TMEM135: variants seen among roughly 807,000 people sequenced by gnomAD.
The protein encoded by TMEM135 is peroxisomal membrane protein 52.
TMEM135 carries 30 observed loss-of-function variants against 60.3 expected under a neutral mutation model. The observed-to-expected ratio is 0.50, with a 90% CI of 0.37 to 0.68. The LOEUF (loss-of-function observed/expected upper bound fraction) is 0.68, where lower values mean the gene tolerates loss of function less well. Among genes scored for constraint, TMEM135 ranks in the 30% least tolerant of loss-of-function variants. The pLI is 0.00. For synonymous variants in TMEM135, 190 were observed against 186.7 expected (o/e 1.02, Z -0.14); for missense variants, 468 against 548.8 (o/e 0.85, Z 1.47).
chr11:87,040,718 A>G (rs1590972362), intron 1 of TMEM135, among the ~76,000 whole-genome samples: 1 of 151,542 alleles, frequency 6.6e-6, no homozygotes, highest in Admixed American at 6.6e-5. Context: ...TCTATCATTT[A>G]CCAGCTATTT....
chr11:87,243,343 T>G (rs997826743), intron 6 of TMEM135, among the ~76,000 whole-genome samples: 15 of 146,024 alleles, frequency 1.0e-4, no homozygotes, highest in African/African-American at 3.8e-4. Context: ...CAGGCTCTTT[T>G]TTGGTTCCAT....
At chr11:87,155,853 G>A (rs11234996) in intron 4 of TMEM135, among the ~76,000 whole-genome samples, 12,195 of 152,106 alleles carry the variant, frequency 0.08, 581 homozygotes, top group East Asian at 0.18. Flanking sequence ...TCTTGAATAA[G>A]CAAAAGCCTT....
At chr11:87,216,251 G>A (rs1003754394) in intron 5 of TMEM135, among the ~76,000 whole-genome samples, 4 of 152,112 alleles carry the variant, frequency 2.6e-5, no homozygotes, top group Non-Finnish European at 5.9e-5. Flanking sequence ...TTGCCAACAT[G>A]ATATGTAAAC....
chr11:87,328,395 T>C lies in TMEM135; in HGVS notation c.*7062T>C, dbSNP rs1942945308. The C allele has an allele frequency of 2.2e-6, 1 of 453,982 alleles. No individual in the cohort carries two copies. The highest frequency in any genetic ancestry group is 2.0e-5 in the African/African-American group (1 of 50,000). The allele number at this position is 453,982 out of a possible 1,614,324, so 28.1% of individuals were successfully genotyped here. On this transcript the variant is annotated 3_prime_UTR_variant, in exon 15 of 15. Transcript: ENST00000305494. ...ATTTCAGTAGCTTTTGGGGTACAAG[T>C]GGTTTTTGGTTGCATGGATGAATTG...
intron 4 of TMEM135, chr11:87,121,053 G>C (rs1456309171): frequency 6.6e-6 from 1 of 152,152 alleles, no homozygotes. Context: ...TATTGTTTCA[G>C]CAAAGTGGAA....
intron 5 of TMEM135, among the ~76,000 whole-genome samples, chr11:87,217,039 C>A (rs888995125): frequency 1.3e-5 from 2 of 152,058 alleles, no homozygotes; most frequent in Non-Finnish European, 2.9e-5. Flanking sequence ...TAAAAACTAA[C>A]AACTTAATCT....
chr11:87,109,058 T>A (rs559139651), intron 4 of TMEM135, among the ~76,000 whole-genome samples: 8 of 152,086 alleles, frequency 5.3e-5, no homozygotes, highest in African/African-American at 1.9e-4. Context: ...AGTGAAGGGA[T>A]TGGGTGAGAG....
chr11:87,302,423 A>G lies in TMEM135; in HGVS notation c.679A>G (p.Arg227Gly). The G allele has an allele frequency of 6.2e-7, 1 of 1,613,922 alleles. No homozygotes were observed. The highest frequency in any genetic ancestry group is 2.2e-5 in the East Asian group (1 of 44,796). ...AAGAATGAATATGATTGGTCTAGTC[A>G]GGAAATTTGTGGATTCAATGTGAGC... is the stretch of plus-strand genomic sequence containing the variant. ...PGRMNMIGLV[R>G]KFVDSICKHG... The change falls in exon 8 of 15, where the codon AGG becomes GGG. Residue 227 changes from arginine to glycine, a missense_variant. Coordinates refer to ENST00000305494, the MANE Select transcript of TMEM135 (RefSeq NM_022918.4).
At position 87,327,376 on chromosome 11, in the gene TMEM135, GA is replaced by G. The variant is rs1023036839; in HGVS notation, c.*6048del. On this transcript the variant is annotated 3_prime_UTR_variant, in exon 15 of 15. Coordinates refer to ENST00000305494, the MANE Select transcript of TMEM135 (RefSeq NM_022918.4). The stretch of plus-strand genomic sequence containing the variant: ...CCAGCATATTAAAGATGCCAGGTCA[GA>G]AAAATAGAAAGAACCTGCTTCTGTG... The G allele has an allele frequency of 6.6e-6, 3 of 453,756 alleles. No individual in the cohort carries two copies. Among genetic ancestry groups the G allele is most frequent in the African/African-American group, 6.0e-5 (3 of 49,932 alleles). 28.1% of individuals were successfully genotyped at this position (453,756 alleles called of 1,614,324 possible).
intron 3 of TMEM135, among the ~76,000 whole-genome samples, chr11:87,082,713 G>T (rs1248531319): frequency 6.6e-6 from 1 of 152,196 alleles, no homozygotes; most frequent in East Asian, 1.9e-4. Flanking sequence ...AACATTTAAG[G>T]AGCCAGTTGT....
In TMEM135 at chr11:87,157,413, T is replaced by C; in HGVS notation, c.462+7T>C. ...AACATTAAGAAATGGAGAAGTAAGA[T>C]GAGAATTTTGATATAGTTATTAGTT... On this transcript the variant is annotated splice_region_variant and intron_variant, in intron 5 of 14. Transcript: ENST00000305494. 2.5e-6 allele frequency: 4 copies of C among 1,609,062 alleles called. No homozygotes were observed. Among genetic ancestry groups the C allele is most frequent in the Non-Finnish European group, 3.4e-6 (4 of 1,175,834 alleles).
chr11:87,262,796 T>C (rs1317138627), intron 6 of TMEM135, among the ~76,000 whole-genome samples: 2 of 152,068 alleles, frequency 1.3e-5, no homozygotes, highest in Non-Finnish European at 2.9e-5. Flanking sequence ...GCTGTCTTCA[T>C]AGCAGTAGCA....
At chr11:87,119,900 A>G (rs1857999486) in intron 4 of TMEM135, among the ~76,000 whole-genome samples, 1 of 151,512 alleles carries the variant, frequency 6.6e-6, no homozygotes, top group Non-Finnish European at 1.5e-5. Context: ...AAAAAAAAAC[A>G]GTATCTGTGA....
intron 1 of TMEM135, among the ~76,000 whole-genome samples, chr11:87,045,597 A>G (rs1949789154): frequency 6.6e-6 from 1 of 152,220 alleles, no homozygotes; most frequent in Non-Finnish European, 1.5e-5. Flanking sequence ...TGAGGGAGTC[A>G]ATTCTACACT....
At chr11:87,225,599 G>C (rs529481227) in intron 5 of TMEM135, among the ~76,000 whole-genome samples, 107 of 152,150 alleles carry the variant, frequency 7.0e-4, no homozygotes, top group African/African-American at 2.4e-3. Flanking sequence ...CCATGGGAGA[G>C]TTTAAAGATG....
At chr11:87,249,888 A>G (rs1181510906) in intron 6 of TMEM135, among the ~76,000 whole-genome samples, 1 of 151,996 alleles carries the variant, frequency 6.6e-6, no homozygotes, top group Admixed American at 6.6e-5. Flanking sequence ...TAGGATTGGT[A>G]TTAGTTCTTA....
intron 4 of TMEM135, among the ~76,000 whole-genome samples, chr11:87,137,073 G>T (rs1938122075): frequency 6.6e-6 from 1 of 152,166 alleles, no homozygotes; most frequent in East Asian, 1.9e-4. Flanking sequence ...TTAGAGAAGG[G>T]TGTGGAAATC....
At chr11:87,205,022 C>T (rs1940204972) in intron 5 of TMEM135, among the ~76,000 whole-genome samples, 1 of 152,158 alleles carries the variant, frequency 6.6e-6, no homozygotes, top group East Asian at 1.9e-4. Flanking sequence ...AACTATTGCA[C>T]TTTTAAAATT....
intron 3 of TMEM135, among the ~76,000 whole-genome samples, chr11:87,076,456 G>T (rs181806178): frequency 6.6e-6 from 1 of 152,198 alleles, no homozygotes; most frequent in African/African-American, 2.4e-5. Context: ...CTGGCCTAGG[G>T]TAGGTTCAGA....
Sources: allele counts gnomAD v4.1 joint callset (sites outside exome capture counted in the v4.1 genomes callset), GRCh38; gene constraint gnomAD v4.1.1; transcripts MANE v1.5; gene names NCBI Gene and HGNC (gene_info 2026-07-23, HGNC 2026-07-21).